FAHD2A: variants seen among roughly 807,000 people sequenced by gnomAD.
The protein encoded by FAHD2A is oxaloacetate tautomerase FAHD2A, mitochondrial.
A neutral mutation model predicts 33.4 loss-of-function variants in FAHD2A; 27 were observed. The observed-to-expected ratio is 0.81, with a 90% CI of 0.60 to 1.11. FAHD2A has a LOEUF of 1.11. Ranked by LOEUF, FAHD2A falls within the 50% of genes most tolerant of loss-of-function variation. FAHD2A has a pLI of 0.00. For missense variants in FAHD2A, 296 were observed against 395.0 expected, an observed-to-expected ratio of 0.75 and a Z score of 2.12; for synonymous variants, 130 against 153.3, an observed-to-expected ratio of 0.85 and a Z score of 1.12.
intron 3 of FAHD2A, among the ~76,000 whole-genome samples, 177 bp from the exon 4 acceptor site, chr2:95,410,350 A>G (rs567137250): frequency 6.6e-6 from 1 of 152,322 alleles, no homozygotes; most frequent in South Asian, 2.1e-4. Context: ...GTATGGGTCT[A>G]CAAGTCACAC....
chr2:95,403,631 A>AT (rs1036228014), intron 1 of FAHD2A, among the ~76,000 whole-genome samples: 2 of 152,064 alleles, frequency 1.3e-5, no homozygotes, highest in African/African-American at 4.8e-5. Flanking sequence ...CTGAAGCTGG[A>AT]TTTTTTTGCT....
In FAHD2A at chr2:95,410,651, A is replaced by G; in HGVS notation, c.522+65A>G. On this transcript the variant is annotated intron_variant, in intron 4 of 7. Coordinates refer to ENST00000233379, the MANE Select transcript of FAHD2A (RefSeq NM_016044.3). The stretch of plus-strand genomic sequence containing the variant: ...AGAGGCCCCAGCTCCTGCCTCTCCT[A>G]GTTCTGACCCCACTCACCAACACAC... 3 of 1,595,578 alleles carry G rather than the reference A, an allele frequency of 1.9e-6. 1 individual carries two copies. In the South Asian group the frequency reaches 3.4e-5, roughly 18 times the overall value.
chr2:95,410,922 G>C lies in FAHD2A; in HGVS notation c.581G>C (p.Arg194Pro). Residue 194 changes from arginine to proline, a missense_variant, in exon 5 of 8, where the codon CGT becomes CCT. Arg to Pro is a moderately radical substitution (Grantham distance 103). Coordinates refer to ENST00000233379, the MANE Select transcript of FAHD2A (RefSeq NM_016044.3). ...GFTVAHDVSARDWQMRRNGKQ... is the reference protein window; with the variant it reads ...GFTVAHDVSAPDWQMRRNGKQ... ...ACTGTGGCTCATGACGTGAGTGCTC[G>C]TGACTGGCAAATGAGACGTAATGGG... 6.2e-7 allele frequency: 1 copy of C among 1,613,982 alleles called. No individual in the cohort carries two copies. The highest frequency in any genetic ancestry group is 8.5e-7 in the Non-Finnish European group (1 of 1,179,860).
chr2:95,411,645 A>AG (rs1454942865), intron 5 of FAHD2A, among the ~76,000 whole-genome samples: 4 of 152,224 alleles, frequency 2.6e-5, no homozygotes, highest in East Asian at 3.9e-4. Context: ...GCTCTACTTA[A>AG]GGGGGGTAGA....
Position 95,413,673 on chromosome 2 carries a change from C to A in FAHD2A, c.*716C>A, listed in dbSNP as rs1682875735. 5 of 1,212,222 alleles carry A rather than the reference C, an allele frequency of 4.1e-6. No homozygotes were observed. In the African/African-American group the frequency reaches 7.7e-5, roughly 19 times the overall value. 75.1% of individuals were successfully genotyped at this position (1,212,222 alleles called of 1,614,324 possible). ...AGAAACCTGCCTTGAGACCTCTGAC[C>A]CCTTAGGCCTCAGTGTTTGAGTGCA... is the stretch of plus-strand genomic sequence containing the variant. On this transcript the variant is annotated 3_prime_UTR_variant, in exon 8 of 8. Coordinates refer to ENST00000233379, the MANE Select transcript of FAHD2A (RefSeq NM_016044.3).
Position 95,413,115 on chromosome 2 carries a change from G to A in FAHD2A, c.*158G>A, listed in dbSNP as rs1234248761. On this transcript the variant is annotated 3_prime_UTR_variant, in exon 8 of 8. Transcript: ENST00000233379. ...GGACAGAGCTCTCTTCAATAAATTC[G>A]TCAGGTCAAAGCAGCAGCTTTGCTT... 9.7e-6 allele frequency: 12 copies of A among 1,233,518 alleles called. No homozygotes were observed. Among genetic ancestry groups the A allele is most frequent in the African/African-American group, 3.0e-5 (2 of 65,936 alleles). 76.4% of individuals were successfully genotyped at this position (1,233,518 alleles called of 1,614,324 possible).
chr2:95,413,789 C>G lies in FAHD2A; in HGVS notation c.*832C>G, dbSNP rs1682884879. 1 of 707,430 alleles carries G rather than the reference C, an allele frequency of 1.4e-6. No homozygotes were observed. The highest frequency in any genetic ancestry group is 2.5e-6 in the Non-Finnish European group (1 of 405,922). 43.8% of individuals were successfully genotyped at this position (707,430 alleles called of 1,614,324 possible). A position where few individuals can be genotyped will look rare whatever the true frequency, so the allele number is the denominator to read the frequency against. On this transcript the variant is annotated 3_prime_UTR_variant, in exon 8 of 8. Transcript: ENST00000233379. Reference sequence around the variant, plus strand: ...GAGGCAGGAAACCATCCCACCTTCTCCAACCCATCACCACGTCTATTGCTG... The same window carrying G: ...GAGGCAGGAAACCATCCCACCTTCTGCAACCCATCACCACGTCTATTGCTG...
rs35655198 is a variant in FAHD2A at position 95,416,340 on chromosome 2, G to GA, written c.*3385dup. The GA allele has an allele frequency of 6.6e-6, 1 of 152,274 alleles. No homozygotes were observed. Among genetic ancestry groups the GA allele is most frequent in the African/African-American group, 2.4e-5 (1 of 41,444 alleles). The allele number at this position is 152,274 out of a possible 1,614,324, so 9.4% of individuals were successfully genotyped here. ...GGAGGACAAGGTCACCAAGAGCTGA[G>GA]AATGTTTCTCCGACTGATGAGACCT... On this transcript the variant is annotated 3_prime_UTR_variant, in exon 8 of 8. Transcript: ENST00000233379.
chr2:95,418,361 A>ACAGT (rs1226743856), downstream of FAHD2A, among the ~76,000 whole-genome samples: 11 of 152,076 alleles, frequency 7.2e-5, no homozygotes, highest in African/African-American at 2.4e-4. Context: ...AGCTCAGGAA[A>ACAGT]CAGGCCAGAG....
chr2:95,408,553 G>C (rs1328245746), intron 3 of FAHD2A, among the ~76,000 whole-genome samples: 1 of 152,192 alleles, frequency 6.6e-6, no homozygotes, highest in African/African-American at 2.4e-5. Flanking sequence ...CACATCTTAG[G>C]TGGATAGCAG....
Position 95,413,550 on chromosome 2 carries a change from C to G in FAHD2A, c.*593C>G, listed in dbSNP as rs1682863867. On this transcript the variant is annotated 3_prime_UTR_variant, in exon 8 of 8. Coordinates refer to ENST00000233379, the MANE Select transcript of FAHD2A (RefSeq NM_016044.3). ...GGTGGAGCCTGGGGCCTGCAGGGCT[C>G]GGCGTCTGCTGCAGAACCTGGGCCA... 1.3e-6 allele frequency: 2 copies of G among 1,587,094 alleles called. No individual in the cohort carries two copies. The highest frequency in any genetic ancestry group is 1.7e-6 in the Non-Finnish European group (2 of 1,167,186).
chr2:95,405,832 G>A lies in FAHD2A; in HGVS notation c.245+29G>A, dbSNP rs562420175. On this transcript the variant is annotated intron_variant, in intron 2 of 7. Coordinates refer to ENST00000233379, the MANE Select transcript of FAHD2A (RefSeq NM_016044.3). ...AGTAAGTGGGCAGCATCGCCCTGAA[G>A]CAGCTGCCCTGGTCCCCCTGCACCC... 475 of 1,546,670 alleles carry A rather than the reference G, an allele frequency of 3.1e-4. 1 individual carries two copies. The highest frequency in any genetic ancestry group is 2.1e-3 in the South Asian group (175 of 82,626).
chr2:95,407,866 T>G (rs1028257669), intron 3 of FAHD2A, among the ~76,000 whole-genome samples: 8 of 152,218 alleles, frequency 5.3e-5, no homozygotes, highest in Non-Finnish European at 1.0e-4. Flanking sequence ...CACTGGTTAC[T>G]TTTTCTCTCA....
At chr2:95,410,471 C>A in intron 3 of FAHD2A, 56 bp from the exon 4 acceptor site, 1 of 1,569,712 alleles carries the variant, frequency 6.4e-7, no homozygotes, top group Admixed American at 1.9e-5. Flanking sequence ...AGCCTCTCAG[C>A]ATGGACAGTG....
downstream of FAHD2A, among the ~76,000 whole-genome samples, chr2:95,420,907 C>T (rs2551295): frequency 2.4e-4 from 36 of 151,742 alleles, no homozygotes; most frequent in Middle Eastern, 3.4e-3. Flanking sequence ...CAACACTTTC[C>T]TTAACCTTTT....
rs1226368223 is a variant in FAHD2A at position 95,415,042 on chromosome 2, T to A, written c.*2085T>A. ...CCCCACAAATGTTGCTTATGTTTCC[T>A]TGGTCATTCTGTCCATCCTCCTGTC... On this transcript the variant is annotated 3_prime_UTR_variant, in exon 8 of 8. Transcript: ENST00000233379. The A allele has an allele frequency of 6.6e-6, 1 of 152,186 alleles. No homozygotes were observed. The highest frequency in any genetic ancestry group is 2.4e-5 in the African/African-American group (1 of 41,456). The allele number at this position is 152,186 out of a possible 1,614,324, so 9.4% of individuals were successfully genotyped here.
chr2:95,410,287 G>A (rs1040376502), intron 3 of FAHD2A, among the ~76,000 whole-genome samples: 2 of 152,226 alleles, frequency 1.3e-5, no homozygotes, highest in Non-Finnish European at 2.9e-5. Context: ...TGCAGTCAGT[G>A]GTGTGGGGAC....
downstream of FAHD2A, among the ~76,000 whole-genome samples, chr2:95,417,674 A>G (rs1683246815): frequency 1.3e-5 from 2 of 152,090 alleles, no homozygotes; most frequent in Admixed American, 1.3e-4. Context: ...GGGAACAACC[A>G]TGGTCAGGAG....
At chr2:95,417,673 C>G (rs1286536905), downstream of FAHD2A, among the ~76,000 whole-genome samples, 2 of 152,066 alleles carry the variant, frequency 1.3e-5, no homozygotes, top group African/African-American at 4.8e-5. Context: ...AGGGAACAAC[C>G]ATGGTCAGGA....
Sources: allele counts gnomAD v4.1 joint callset (sites outside exome capture counted in the v4.1 genomes callset), GRCh38; gene constraint gnomAD v4.1.1; transcripts MANE v1.5; gene names NCBI Gene and HGNC (gene_info 2026-07-23, HGNC 2026-07-21).